Variants in PDXK observed in about 807,000 individuals in gnomAD.
PDXK encodes epididymis secretory sperm binding protein Li 1a.
A neutral mutation model predicts 43.2 loss-of-function variants in PDXK; 15 were observed. The ratio of observed to expected loss-of-function variants is 0.35; its 90% CI spans 0.23 to 0.53. PDXK has a LOEUF of 0.53. PDXK is among the 20% of genes least tolerant of loss of function. The pLI is 0.92. For missense variants in PDXK, 343 were observed against 417.0 expected, an observed-to-expected ratio of 0.82 and a Z score of 1.54; for synonymous variants, 172 against 165.4, an observed-to-expected ratio of 1.04 and a Z score of -0.31.
intron 3 of PDXK, 22 bp downstream of exon 3, chr21:43,741,793 C>G (rs1187763915): frequency 1.3e-6 from 2 of 1,496,190 alleles, no homozygotes; most frequent in Non-Finnish European, 1.9e-6. Context: ...AGCAAGCTGC[C>G]GCAGGGGACT....
intron 1 of PDXK, among the ~76,000 whole-genome samples, chr21:43,721,505 G>A (rs1002840151): frequency 8.5e-5 from 13 of 152,248 alleles, no homozygotes; most frequent in African/African-American, 2.4e-4. Context: ...TAGCAGGGCG[G>A]CTGGAGAGGC....
intron 6 of PDXK, among the ~76,000 whole-genome samples, chr21:43,749,471 A>G (rs2083696916): frequency 6.6e-6 from 1 of 152,262 alleles, no homozygotes; most frequent in Non-Finnish European, 1.5e-5. Flanking sequence ...AGAACATGCC[A>G]GAAGGGTCTC....
chr21:43,736,013 C>G lies in PDXK; in HGVS notation c.142+1890C>G, dbSNP rs1159927755. Among the ~76,000 whole-genome samples, 3 of 152,248 alleles carry G rather than the reference C, an allele frequency of 2.0e-5. No individual in the cohort carries two copies. The South Asian group carries it at 6.2e-4, about 31-fold the overall frequency. On this transcript the variant is annotated intron_variant, in intron 2 of 10. Transcript: ENST00000291565. ...CCTCCTCCGTGCAGCCCCTCAGCCC[C>G]TCTGGGCTCCCGTGCCACCCACTGT...
intron 5 of PDXK, 32 bp from the exon 6 acceptor site, chr21:43,748,963 C>T (rs771046539): frequency 7.2e-6 from 10 of 1,392,382 alleles, no homozygotes; most frequent in South Asian, 2.4e-5. Context: ...CACGGTGACT[C>T]AGCCTCTCCT....
intron 6 of PDXK, 59 bp from the exon 7 acceptor site, chr21:43,750,441 A>G (rs1490428514): frequency 4.8e-6 from 7 of 1,471,804 alleles, no homozygotes; most frequent in Non-Finnish European, 6.6e-6. Context: ...ATGTCAACAC[A>G]CAACCCGGAG....
At chr21:43,747,335 A>G (rs1280500690) in intron 5 of PDXK, 1 of 152,322 alleles carries the variant, frequency 6.6e-6, no homozygotes, top group Non-Finnish European at 1.5e-5. Context: ...TTCAGCGCCC[A>G]GGCGATTTCA....
Position 43,737,971 on chromosome 21 carries a change from C to G in PDXK, c.143-3696C>G. 1 of 985,530 alleles carries G rather than the reference C, an allele frequency of 1.0e-6. No individual in the cohort carries two copies. Among genetic ancestry groups the G allele is most frequent in the African/African-American group, 1.7e-5 (1 of 57,384 alleles). The allele number at this position is 985,530 out of a possible 1,614,324, so 61.0% of individuals were successfully genotyped here. ...CCACCAAGAGGTGCAAGACCATGCC[C>G]TCTGTTTCGATAGGAAGCTGGGCCT... On this transcript the variant is annotated intron_variant, in intron 2 of 10. Transcript: ENST00000291565. This position sits in a 1 kb window ranked among gnomAD's most constrained non-coding sequence, Gnocchi z 4.8.
At position 43,759,124 on chromosome 21, in the gene PDXK, G is replaced by A. The variant is rs2083895775; in HGVS notation, c.*3061G>A. On this transcript the variant is annotated 3_prime_UTR_variant, in exon 11 of 11. Coordinates refer to ENST00000291565, the MANE Select transcript of PDXK (RefSeq NM_003681.5). ...CACCAGGTAAGAGGCCAAAGCCCCT[G>A]GGGTAACAGTCCCCACCGCTACCCG... 6.6e-6 allele frequency: 1 copy of A among 152,282 alleles called. No individual in the cohort carries two copies. The highest frequency in any genetic ancestry group is 2.4e-5 in the African/African-American group (1 of 41,458). 9.4% of individuals were successfully genotyped at this position (152,282 alleles called of 1,614,324 possible).
chr21:43,727,968 T>G (rs949792177), intron 1 of PDXK, among the ~76,000 whole-genome samples: 2 of 152,226 alleles, frequency 1.3e-5, no homozygotes, highest in Admixed American at 1.3e-4. Flanking sequence ...CTGCCTTCCC[T>G]TAGCACTTTG....
chr21:43,754,186 G>T lies in PDXK; in HGVS notation c.759+467G>T, dbSNP rs888072973. 6.6e-6 allele frequency among the ~76,000 whole-genome samples: 1 copy of T among 152,200 alleles called. No individual in the cohort carries two copies. The highest frequency in any genetic ancestry group is 1.5e-5 in the Non-Finnish European group (1 of 68,022). ...GCCCTTCGGGGACAGTAGGTGGGAG[G>T]CTGAGGACAGGGGTCCAGGCAGGTG... On this transcript the variant is annotated intron_variant, in intron 9 of 10. Coordinates refer to ENST00000291565, the MANE Select transcript of PDXK (RefSeq NM_003681.5). This position sits in a 1 kb window ranked among gnomAD's most constrained non-coding sequence, Gnocchi z 5.5.
At chr21:43,750,594 T>A in intron 7 of PDXK, 49 bp downstream of exon 7, 1 of 1,483,318 alleles carries the variant, frequency 6.7e-7, no homozygotes, top group Non-Finnish European at 9.3e-7. Context: ...CCGCTCACGG[T>A]GGGGACGGGA....
rs984618646 is a variant in PDXK, at chr21:43,723,029, G to A, written c.87+3648G>A. ...ATTTTTTTGTATTTTTAGTAGAGAC[G>A]GGGTTTCACCGTGTTAGCCAGGATG... On this transcript the variant is annotated intron_variant, in intron 1 of 10. Coordinates refer to ENST00000291565, the MANE Select transcript of PDXK (RefSeq NM_003681.5). The surrounding 1 kb of genome is among the most constrained non-coding windows in gnomAD (Gnocchi z 4.1). Among the ~76,000 whole-genome samples, 7 of 150,666 alleles carry A rather than the reference G, an allele frequency of 4.6e-5. No individual in the cohort carries two copies. The highest frequency in any genetic ancestry group is 8.9e-5 in the Non-Finnish European group (6 of 67,554).
Position 43,752,610 on chromosome 21 carries a change from G to T in PDXK, c.603G>T (p.Val201=), listed in dbSNP as rs375933947. Residue 201 remains valine (V), a synonymous_variant, in exon 8 of 11, where the codon GTG becomes GTT. Coordinates refer to ENST00000291565, the MANE Select transcript of PDXK (RefSeq NM_003681.5). Reference sequence around the variant, plus strand: ...CGCAGGGCAGCAACTACCTGATTGTGCTGGGGAGTCAGAGGAGGAGTAAGT... The same window carrying T: ...CGCAGGGCAGCAACTACCTGATTGTTCTGGGGAGTCAGAGGAGGAGTAAGT... ...PSPQGSNYLI[V]LGSQRRRNPA... is the part of the protein sequence containing the mutation. 1.9e-6 allele frequency: 3 copies of T among 1,611,546 alleles called. No homozygotes were observed. The highest frequency in any genetic ancestry group is 3.3e-5 in the Admixed American group (2 of 60,016).
chr21:43,719,227 C>G lies in PDXK; in HGVS notation c.-68C>G. On this transcript the variant is annotated 5_prime_UTR_variant, in exon 1 of 11. Coordinates refer to ENST00000291565, the MANE Select transcript of PDXK (RefSeq NM_003681.5). ...GCCGGAGCCCGAGCCCGAGCCGAGCCGGAGCCCGAGCGAGCGGCGGAGACC... is the reference window on the plus strand; with the variant it reads ...GCCGGAGCCCGAGCCCGAGCCGAGCGGGAGCCCGAGCGAGCGGCGGAGACC... 3.2e-6 allele frequency: 3 copies of G among 924,882 alleles called. No individual in the cohort carries two copies. The highest frequency in any genetic ancestry group is 1.7e-5 in the African/African-American group (1 of 57,176). The allele number at this position is 924,882 out of a possible 1,614,324, so 57.3% of individuals were successfully genotyped here.
Position 43,749,066 on chromosome 21 carries a change from C to A in PDXK, c.450C>A (p.Asn150Lys). The stretch of plus-strand genomic sequence containing the variant: ...CGCTTGCAGACATTATCACGCCCAA[C>A]CAGTTTGAGGCCGAGTAAGTCATTT... ...VVPLADIITP[N>K]QFEAELLSGR... The change falls in exon 6 of 11, where the codon AAC becomes AAA. Residue 150 changes from asparagine to lysine, a missense_variant. Asn to Lys is a moderately conservative substitution (Grantham distance 94). Transcript: ENST00000291565. The A allele has an allele frequency of 1.9e-6, 3 of 1,604,784 alleles. No individual in the cohort carries two copies. Among genetic ancestry groups the A allele is most frequent in the Non-Finnish European group, 2.6e-6 (3 of 1,171,862 alleles).
chr21:43,753,657 A>G lies in PDXK; in HGVS notation c.697A>G (p.Thr233Ala). ...CAAAGTGGACGCCGTCTTTGTGGGC[A>G]CTGGGGACCTGTTTGCTGCCATGCT... ...IRKVDAVFVG[T>A]GDLFAAMLLA... Residue 233 changes from threonine (T) to alanine (A), a missense_variant, in exon 9 of 11, where the codon ACT becomes GCT. Thr to Ala is a moderately conservative substitution (Grantham distance 58). Transcript: ENST00000291565. 1 of 1,613,682 alleles carries G rather than the reference A, an allele frequency of 6.2e-7. No homozygotes were observed. Among genetic ancestry groups the G allele is most frequent in the South Asian group, 1.1e-5 (1 of 91,026 alleles).
intron 4 of PDXK, among the ~76,000 whole-genome samples, chr21:43,744,971 T>C (rs1423895538): frequency 6.6e-6 from 1 of 152,162 alleles, no homozygotes; most frequent in East Asian, 1.9e-4. Flanking sequence ...TGGATGGCGC[T>C]TGAGGACATG....
In PDXK at chr21:43,734,972, G is replaced by T. The variant is rs576458907; in HGVS notation, c.142+849G>T. Among the ~76,000 whole-genome samples the T allele has an allele frequency of 3.3e-4, 50 of 152,330 alleles. No homozygotes were observed. In the East Asian group the frequency reaches 7.5e-3, roughly 23 times the overall value. On this transcript the variant is annotated intron_variant, in intron 2 of 10. Coordinates refer to ENST00000291565, the MANE Select transcript of PDXK (RefSeq NM_003681.5). The surrounding 1 kb of genome is among the most constrained non-coding windows in gnomAD (Gnocchi z 5.0). Reference sequence around the variant, plus strand: ...TGTTGGAGCAGGGAGGAGGGGCCTGGCCCCTACTCTTGGGAGTGGGAAGGA... The same window carrying T: ...TGTTGGAGCAGGGAGGAGGGGCCTGTCCCCTACTCTTGGGAGTGGGAAGGA...
intron 7 of PDXK, among the ~76,000 whole-genome samples, chr21:43,751,060 CCAGCTGTTGGGAAGGG>C (rs2083742697): frequency 6.6e-6 from 1 of 152,136 alleles, no homozygotes; most frequent in Non-Finnish European, 1.5e-5. Context: ...ATTTGCAGGG[CCAGCTGTTGGGAAGGG>C]CAGGCTGGAG....
Sources: gnomAD v4.1 joint callset for allele counts (sites outside exome capture counted in the v4.1 genomes callset) on GRCh38, gnomAD v4.1.1 for gene constraint, Gnocchi (gnomAD v3.1) non-coding constraint, MANE v1.5 for transcripts, NCBI Gene and HGNC (gene_info 2026-07-23, HGNC 2026-07-21) for gene names.